Variants in DPP10 observed in about 807,000 individuals in gnomAD.
DPP10 encodes the protein dipeptidyl peptidase like 10, also known as inactive dipeptidyl peptidase 10.
In DPP10, 33 loss-of-function variants were observed where a neutral mutation model predicts 120.9. The ratio of observed to expected loss-of-function variants is 0.27; its 90% CI spans 0.21 to 0.37. The LOEUF (loss-of-function observed/expected upper bound fraction) is 0.37. Ranked by LOEUF, DPP10 falls within the 10% of genes least tolerant of loss-of-function variation. DPP10 has a pLI of 1.00. For missense variants in DPP10, 816 were observed against 942.8 expected, an observed-to-expected ratio of 0.87 and a Z score of 1.76; for synonymous variants, 337 against 326.1, an observed-to-expected ratio of 1.03 and a Z score of -0.36.
chr2:114,579,871 T>C (rs1351141239), intron 1 of DPP10, among the ~76,000 whole-genome samples: 1 of 152,178 alleles, frequency 6.6e-6, no homozygotes, highest in East Asian at 1.9e-4. Context: ...GAGTGGGCCA[T>C]CCTGGAGGAG....
intron 1 of DPP10, among the ~76,000 whole-genome samples, chr2:115,170,922 C>T (rs1281741946): frequency 6.6e-6 from 1 of 152,302 alleles, no homozygotes; most frequent in East Asian, 1.9e-4. Context: ...GCGTCAGTAT[C>T]TCTGCACTCT....
intron 1 of DPP10, among the ~76,000 whole-genome samples, chr2:115,011,657 G>T (rs1702271892): frequency 6.6e-6 from 1 of 152,094 alleles, no homozygotes; most frequent in Non-Finnish European, 1.5e-5. Context: ...TAAGATGGCA[G>T]ATAGGAGACA....
intron 1 of DPP10, chr2:114,835,418 A>G (rs560233867): frequency 3.3e-5 from 5 of 152,262 alleles, no homozygotes; most frequent in South Asian, 2.1e-4. Flanking sequence ...CTATGTATAT[A>G]TAAGACATAT....
intron 3 of DPP10, among the ~76,000 whole-genome samples, chr2:115,374,357 G>A (rs575516580): frequency 6.6e-6 from 1 of 152,286 alleles, no homozygotes; most frequent in South Asian, 2.1e-4. Flanking sequence ...TACAAGAAGT[G>A]GGCTCCCAAC....
intron 1 of DPP10, among the ~76,000 whole-genome samples, chr2:114,534,830 A>G (rs1299227284): frequency 1.3e-5 from 2 of 152,138 alleles, no homozygotes; most frequent in Non-Finnish European, 2.9e-5. Flanking sequence ...TCACCCAAAT[A>G]TCTGTTACTT....
intron 5 of DPP10, among the ~76,000 whole-genome samples, chr2:115,617,635 G>A (rs1010829530): frequency 2.6e-5 from 4 of 151,770 alleles, no homozygotes; most frequent in African/African-American, 9.7e-5. Flanking sequence ...TTAACATACT[G>A]TCCTAGGAGC....
chr2:114,804,345 A>G (rs1355419026), intron 1 of DPP10, among the ~76,000 whole-genome samples: 2 of 152,198 alleles, frequency 1.3e-5, no homozygotes, highest in East Asian at 1.9e-4. Flanking sequence ...GAGACCCCAC[A>G]CAGAGTCCCT....
chr2:114,619,293 G>T (rs2105322332), intron 1 of DPP10, among the ~76,000 whole-genome samples: 1 of 151,980 alleles, frequency 6.6e-6, no homozygotes, highest in South Asian at 2.1e-4. Flanking sequence ...TGCAAATACA[G>T]TTAACAGTAA....
chr2:115,377,388 T>C (rs1445262422), intron 3 of DPP10, among the ~76,000 whole-genome samples: 1 of 152,214 alleles, frequency 6.6e-6, no homozygotes, highest in Non-Finnish European at 1.5e-5. Flanking sequence ...CACCCACTTT[T>C]TGATGGGGTT....
chr2:115,513,868 A>C (rs867105311), intron 4 of DPP10, among the ~76,000 whole-genome samples: 20 of 151,972 alleles, frequency 1.3e-4, no homozygotes, highest in African/African-American at 4.8e-4. Context: ...TTGTGTCTTC[A>C]TGTGGTTTCA....
intron 1 of DPP10, among the ~76,000 whole-genome samples, chr2:114,611,398 T>C (rs1265779830): frequency 2.6e-5 from 4 of 152,148 alleles, no homozygotes; most frequent in Non-Finnish European, 4.4e-5. Flanking sequence ...ATACTGAAAA[T>C]ATAAAAATTA....
chr2:114,591,603 G>A (rs1374584804), intron 1 of DPP10, among the ~76,000 whole-genome samples: 3 of 141,578 alleles, frequency 2.1e-5, no homozygotes, highest in Non-Finnish European at 4.5e-5. Context: ...CACCCAGGCT[G>A]GAGAGCAGTG....
intron 1 of DPP10, among the ~76,000 whole-genome samples, chr2:115,059,350 T>C (rs1706202806): frequency 1.3e-5 from 1 of 79,032 alleles, no homozygotes; most frequent in African/African-American, 3.6e-5. Context: ...CAGTAGGTAT[T>C]TCTTTTTTTT....
At chr2:115,166,764 T>C (rs2052908862) in intron 1 of DPP10, among the ~76,000 whole-genome samples, 1 of 151,990 alleles carries the variant, frequency 6.6e-6, no homozygotes, top group African/African-American at 2.4e-5. Context: ...TGCTGCATTA[T>C]CTTATGAAGC....
intron 3 of DPP10, among the ~76,000 whole-genome samples, chr2:115,447,465 A>C (rs182261832): frequency 1.3e-5 from 2 of 152,130 alleles, no homozygotes; most frequent in African/African-American, 4.8e-5. Context: ...GGGAGGGGCT[A>C]GGGGTGGAAT....
At chr2:115,758,301 A>G (rs1015774978) in intron 11 of DPP10, among the ~76,000 whole-genome samples, 5 of 151,290 alleles carry the variant, frequency 3.3e-5, no homozygotes, top group Non-Finnish European at 7.4e-5. Flanking sequence ...ACAACAAAAC[A>G]TAATTTCTAA....
intron 24 of DPP10, among the ~76,000 whole-genome samples, chr2:115,839,609 G>A (rs932018368): frequency 6.8e-6 from 1 of 147,658 alleles, no homozygotes; most frequent in Admixed American, 6.9e-5. Context: ...GGGAGGCAGA[G>A]GTTGCAGTGA....
chr2:114,994,754 GA>G (rs1315785418), intron 1 of DPP10, among the ~76,000 whole-genome samples: 1 of 152,162 alleles, frequency 6.6e-6, no homozygotes, highest in Non-Finnish European at 1.5e-5. Flanking sequence ...CTGGGAGCCT[GA>G]AAAATGCAGC....
intron 1 of DPP10, among the ~76,000 whole-genome samples, chr2:114,711,163 G>A (rs773016562): frequency 6.6e-5 from 10 of 152,170 alleles, no homozygotes; most frequent in African/African-American, 9.7e-5. Context: ...CAACGTTTGA[G>A]TGCCCTTTCT....
Sources: gnomAD v4.1 joint callset for allele counts (sites outside exome capture counted in the v4.1 genomes callset) on GRCh38, gnomAD v4.1.1 for gene constraint, MANE v1.5 for transcripts, NCBI Gene and HGNC (gene_info 2026-07-23, HGNC 2026-07-21) for gene names.